NOL4: variants seen among roughly 807,000 people sequenced by gnomAD.
NOL4 encodes the protein nucleolar protein 4, also known as cancer/testis antigen 125.
NOL4 carries 17 observed loss-of-function variants against 75.9 expected under a neutral mutation model. The ratio of observed to expected loss-of-function variants is 0.22; its 90% CI spans 0.15 to 0.34. The LOEUF (loss-of-function observed/expected upper bound fraction) is 0.34, where lower values mean the gene tolerates loss of function less well. Among genes scored for constraint, NOL4 ranks in the 10% least tolerant of loss-of-function variants. The probability of loss-of-function intolerance (pLI) is 1.00; values close to 1 mark genes in which losing one functional copy is unlikely to be tolerated. For missense variants in NOL4, 614 were observed against 793.5 expected (o/e 0.77, Z 2.72); for synonymous variants, 292 against 289.9 (o/e 1.01, Z -0.07).
intron 6 of NOL4, among the ~76,000 whole-genome samples, chr18:33,970,760 T>C (rs1568147510): frequency 6.6e-6 from 1 of 152,064 alleles, no homozygotes; most frequent in Non-Finnish European, 1.5e-5. Flanking sequence ...TGTATGTGTA[T>C]GTGTGTGTCA....
intron 1 of NOL4, among the ~76,000 whole-genome samples, chr18:34,204,437 TCC>T (rs200204026): frequency 0.07 from 10,659 of 152,220 alleles, 724 homozygotes; most frequent in African/African-American, 0.18. Context: ...CCTTCTCTTA[TCC>T]TTTTATAATT....
intron 1 of NOL4, among the ~76,000 whole-genome samples, chr18:34,211,130 AGG>A (rs2036488408): frequency 6.6e-6 from 1 of 151,980 alleles, no homozygotes; most frequent in Non-Finnish European, 1.5e-5. Flanking sequence ...GAAGGAAGGA[AGG>A]AAGGAAGGAA....
intron 5 of NOL4, among the ~76,000 whole-genome samples, chr18:34,032,585 C>T (rs1471900395): frequency 2.0e-5 from 3 of 152,146 alleles, no homozygotes; most frequent in Non-Finnish European, 2.9e-5. Context: ...CTGGCCCACT[C>T]GGCTCATCAC....
chr18:33,855,392 T>A (rs2062793116), intron 10 of NOL4, among the ~76,000 whole-genome samples: 1 of 152,070 alleles, frequency 6.6e-6, no homozygotes, highest in African/African-American at 2.4e-5. Context: ...ATAAAGATGC[T>A]ACATTTAATT....
rs1401416843 is a variant in NOL4 at position 34,093,472 on chromosome 18, C to G, written c.765G>C (p.Gln255His). The G allele has an allele frequency of 1.1e-5, 17 of 1,577,776 alleles. No homozygotes were observed. Among genetic ancestry groups the G allele is most frequent in the Non-Finnish European group, 1.4e-5 (16 of 1,160,094 alleles). Residue 255 changes from glutamine (Q) to histidine (H), a missense_variant, in exon 5 of 11, where the codon CAG becomes CAC. Coordinates refer to ENST00000261592, the MANE Select transcript of NOL4 (RefSeq NM_003787.5). ...TCAAACTGAAAGGCTTACCATCTTG[C>G]TGGCCATGAAGATTCTGGGGACTTT... ...RMQSPQNLHG[Q>H]QDDDSAAESF...
chr18:34,222,895 G>A, intron 1 of NOL4, 95 bp downstream of exon 1: 2 of 1,501,552 alleles, frequency 1.3e-6, no homozygotes, highest in Non-Finnish European at 1.8e-6. Flanking sequence ...AGCCAACGGC[G>A]GCTCACGGCT....
At chr18:34,096,155 G>C (rs567285458) in intron 4 of NOL4, among the ~76,000 whole-genome samples, 2 of 151,732 alleles carry the variant, frequency 1.3e-5, no homozygotes, top group African/African-American at 4.8e-5. Flanking sequence ...TCAGATGAGA[G>C]ATTAAAATGT....
chr18:33,971,561 T>C (rs1019139121), intron 6 of NOL4, among the ~76,000 whole-genome samples: 1 of 152,210 alleles, frequency 6.6e-6, no homozygotes, highest in African/African-American at 2.4e-5. Context: ...GTGAACTGCA[T>C]TTTACAAAGG....
At chr18:34,111,088 T>A (rs2079564588) in intron 2 of NOL4, among the ~76,000 whole-genome samples, 1 of 152,094 alleles carries the variant, frequency 6.6e-6, no homozygotes. Context: ...ATTTGGAAAC[T>A]GGATAACCAA....
At chr18:34,001,201 C>T (rs1420881165) in intron 6 of NOL4, among the ~76,000 whole-genome samples, 3 of 152,060 alleles carry the variant, frequency 2.0e-5, no homozygotes, top group African/African-American at 7.2e-5. Context: ...TAGTAGGGTA[C>T]AATTCAATAC....
At chr18:34,092,087 G>T (rs1249195105) in intron 5 of NOL4, among the ~76,000 whole-genome samples, 1 of 151,284 alleles carries the variant, frequency 6.6e-6, no homozygotes, top group Non-Finnish European at 1.5e-5. Flanking sequence ...GACTAAGACG[G>T]CAAGGAGATA....
chr18:33,985,885 C>CA (rs1232201098), intron 6 of NOL4, among the ~76,000 whole-genome samples: 1 of 151,988 alleles, frequency 6.6e-6, no homozygotes, highest in African/African-American at 2.4e-5. Flanking sequence ...CGAGAGTAAT[C>CA]AAAGAGCCAA....
At chr18:34,196,130 C>T (rs1188893774) in intron 1 of NOL4, among the ~76,000 whole-genome samples, 1 of 152,064 alleles carries the variant, frequency 6.6e-6, no homozygotes, top group African/African-American at 2.4e-5. Context: ...ATCAGATTCT[C>T]TTCAGGAATG....
chr18:33,971,618 G>A (rs924291457), intron 6 of NOL4, among the ~76,000 whole-genome samples: 3 of 152,288 alleles, frequency 2.0e-5, no homozygotes, highest in African/African-American at 7.2e-5. Context: ...GGAGACCTAA[G>A]AGAAAATGTA....
intron 5 of NOL4, among the ~76,000 whole-genome samples, chr18:34,075,128 T>C (rs2077689358): frequency 6.6e-6 from 1 of 152,194 alleles, no homozygotes; most frequent in Admixed American, 6.5e-5. Flanking sequence ...TTTGAAATGC[T>C]TGGGACAACA....
Position 33,981,709 on chromosome 18 carries a change from T to C in NOL4, c.1057-23291A>G, listed in dbSNP as rs1278738466. ...AAGAAGCTCTTTAGATTGAAGGAAA[T>C]AATATAGGTTAATGACTTGGACTTA... On this transcript the variant is annotated intron_variant, in intron 6 of 10. Transcript: ENST00000261592. 2.0e-5 allele frequency among the ~76,000 whole-genome samples: 3 copies of C among 152,008 alleles called. No homozygotes were observed. In the East Asian group the frequency reaches 5.8e-4, roughly 29 times the overall value.
chr18:34,070,885 G>A (rs2077484381), intron 5 of NOL4, among the ~76,000 whole-genome samples: 1 of 152,044 alleles, frequency 6.6e-6, no homozygotes, highest in Admixed American at 6.6e-5. Flanking sequence ...TATAATTTAT[G>A]AACAAGTGTA....
chr18:33,963,614 G>T (rs1253759965), intron 6 of NOL4, among the ~76,000 whole-genome samples: 1 of 152,152 alleles, frequency 6.6e-6, no homozygotes, highest in Non-Finnish European at 1.5e-5. Context: ...AGGCTCTATG[G>T]AAGATGGATA....
intron 1 of NOL4, chr18:34,222,183 T>C: frequency 6.8e-7 from 1 of 1,472,258 alleles, no homozygotes; most frequent in Non-Finnish European, 9.0e-7. Context: ...TGCCAGTGCC[T>C]CGCGGCGCCT....
Sources: allele counts gnomAD v4.1 joint callset (sites outside exome capture counted in the v4.1 genomes callset), GRCh38; gene constraint gnomAD v4.1.1; transcripts MANE v1.5; gene names NCBI Gene and HGNC (gene_info 2026-07-23, HGNC 2026-07-21).